The following NOL7 variants were observed in gnomAD, a reference collection of about 807,000 sequenced individuals.
NOL7 encodes U3 small nucleolar RNA-associated protein NOL7.
NOL7 carries 36 observed loss-of-function variants against 38.4 expected under a neutral mutation model. That is an observed-to-expected ratio of 0.94 (90% CI 0.72 to 1.24). The LOEUF (loss-of-function observed/expected upper bound fraction) is 1.24. NOL7 is among the 50% of genes most tolerant of loss of function. NOL7 has a pLI of 0.00. For synonymous variants in NOL7, 142 were observed against 126.5 expected, an observed-to-expected ratio of 1.12 and a Z score of -0.82; for missense variants, 350 against 315.1, an observed-to-expected ratio of 1.11 and a Z score of -0.84.
At chr6:13,625,542 T>C (rs1764578415), downstream of NOL7, 7 of 637,914 alleles carry the variant, frequency 1.1e-5, no homozygotes, top group East Asian at 5.4e-5. Flanking sequence ...TTTAAAAATA[T>C]AGAAAACATT....
At chr6:13,626,737 T>A (rs1205520627) in intron 8 of NOL7, among the ~76,000 whole-genome samples, 1 of 152,150 alleles carries the variant, frequency 6.6e-6, no homozygotes, top group Non-Finnish European at 1.5e-5. Flanking sequence ...ACTTTGAAAA[T>A]ACTGACTACT....
At chr6:13,622,426 C>G, downstream of NOL7, 2 of 1,607,982 alleles carry the variant, frequency 1.2e-6, no homozygotes, top group Non-Finnish European at 1.7e-6. Flanking sequence ...AGCCATCAGT[C>G]CTAGACATTG....
At chr6:13,619,960 G>T (rs1252357199) in intron 5 of NOL7, among the ~76,000 whole-genome samples, 1 of 152,124 alleles carries the variant, frequency 6.6e-6, no homozygotes, top group African/African-American at 2.4e-5. Context: ...TTCGAGACCA[G>T]CCTGGCCAAC....
In NOL7 at chr6:13,620,245, C is replaced by G; in HGVS notation, c.538C>G (p.Gln180Glu). The G allele has an allele frequency of 1.9e-6, 3 of 1,614,018 alleles. No individual in the cohort carries two copies. Among genetic ancestry groups the G allele is most frequent in the African/African-American group, 1.3e-5 (1 of 75,022 alleles). ...CTACTTGGCCGTAAGGCTAAAAGAC[C>G]AAGATCTGAGAGATTCAAGGCAACA... ...KSYLAVRLKD[Q>E]DLRDSRQQAA... Residue 180 changes from glutamine (Q) to glutamate (E), a missense_variant, in exon 6 of 8, where the codon CAA becomes GAA. Gln to Glu is a conservative substitution (Grantham distance 29, BLOSUM62 2). Transcript: ENST00000451315.
chr6:13,632,016 T>A (rs1256707695), intron 8 of NOL7, among the ~76,000 whole-genome samples: 8 of 152,082 alleles, frequency 5.3e-5, no homozygotes, highest in Non-Finnish European at 1.0e-4. Context: ...ACGCCCACAT[T>A]GCTCCTAGTA....
chr6:13,628,169 G>A (rs576423468), intron 8 of NOL7, among the ~76,000 whole-genome samples: 1 of 152,300 alleles, frequency 6.6e-6, no homozygotes, highest in South Asian at 2.1e-4. Context: ...CTGAGGCAGT[G>A]AATAGTAAGA....
chr6:13,615,442 G>C lies in NOL7; in HGVS notation c.84G>C (p.Glu28Asp), dbSNP rs1380491201. The C allele has an allele frequency of 6.5e-7, 1 of 1,549,562 alleles. No individual in the cohort carries two copies. Among genetic ancestry groups the C allele is most frequent in the Non-Finnish European group, 8.7e-7 (1 of 1,146,710 alleles). The part of the protein sequence containing the change: ...MVDEGQLASE[E>D]EEAEHGLLLG... ...ACGAGGGCCAGCTGGCCTCGGAGGA[G>C]GAGGAGGCGGAGCACGGGCTGTTGC... Residue 28 changes from glutamate to aspartate, a missense_variant, in exon 1 of 8, where the codon GAG (glutamate) becomes GAC (aspartate). Glu to Asp is a conservative substitution (Grantham distance 45). Coordinates refer to ENST00000451315, the MANE Select transcript of NOL7 (RefSeq NM_016167.5).
At chr6:13,615,984 C>A (rs749962030) in intron 2 of NOL7, among the ~76,000 whole-genome samples, 36 of 151,420 alleles carry the variant, frequency 2.4e-4, no homozygotes, top group Non-Finnish European at 4.6e-4. Flanking sequence ...TGCCTGGAGC[C>A]GAGATCACAC....
In NOL7 at chr6:13,620,487, T is replaced by TAAGA; in HGVS notation, c.700+3_700+6dup. ...TCCAGTTTTTGAATAATGCTTGGGG[T>TAAGA]AAGATCCAGCTTTATTCTCCTGTCT... On this transcript the variant is annotated splice_region_variant and intron_variant, in intron 7 of 7. Transcript: ENST00000451315. 6.2e-7 allele frequency: 1 copy of TAAGA among 1,612,994 alleles called. No homozygotes were observed. Among genetic ancestry groups the TAAGA allele is most frequent in the African/African-American group, 1.3e-5 (1 of 75,046 alleles).
At chr6:13,628,288 A>G (rs1764679367) in intron 8 of NOL7, among the ~76,000 whole-genome samples, 1 of 152,208 alleles carries the variant, frequency 6.6e-6, no homozygotes, top group African/African-American at 2.4e-5. Flanking sequence ...TCAGATATTG[A>G]GGATACAGTG....
At chr6:13,628,004 T>A (rs895701156) in intron 8 of NOL7, among the ~76,000 whole-genome samples, 2 of 152,228 alleles carry the variant, frequency 1.3e-5, no homozygotes, top group Non-Finnish European at 2.9e-5. Flanking sequence ...CTGCAGTGTT[T>A]AAAAACTCAG....
rs1211648082 is a variant in NOL7 at position 13,621,048 on chromosome 6, A to G, written c.*221A>G. Reference sequence around the variant, plus strand: ...TTTTTAATATATTTAACTGAATTCAAGCCATACCCACATCAGCAACAGCAC... The same window carrying G: ...TTTTTAATATATTTAACTGAATTCAGGCCATACCCACATCAGCAACAGCAC... On this transcript the variant is annotated 3_prime_UTR_variant, in exon 8 of 8. Transcript: ENST00000451315. 5.9e-5 allele frequency: 18 copies of G among 306,166 alleles called. No homozygotes were observed. The East Asian group carries it at 9.3e-4, about 16-fold the overall frequency. The allele number at this position is 306,166 out of a possible 1,614,324, so 19.0% of individuals were successfully genotyped here.
downstream of NOL7, chr6:13,622,331 C>T: frequency 6.8e-7 from 1 of 1,477,968 alleles, no homozygotes; most frequent in Non-Finnish European, 9.0e-7. Context: ...CTATATGCCA[C>T]AATATAAGTG....
downstream of NOL7, chr6:13,622,391 A>T: frequency 1.3e-6 from 2 of 1,598,076 alleles, no homozygotes; most frequent in Non-Finnish European, 1.7e-6. Context: ...ACTGTGGCAA[A>T]TGCGCAGGAT....
At chr6:13,622,451 T>C (rs762720373), downstream of NOL7, 37 of 1,600,408 alleles carry the variant, frequency 2.3e-5, no homozygotes, top group South Asian at 2.7e-4. Flanking sequence ...GCCTGTCCCA[T>C]TGCTAGGGCA....
downstream of NOL7, chr6:13,622,440 G>C: frequency 6.2e-7 from 1 of 1,603,312 alleles, no homozygotes; most frequent in Non-Finnish European, 8.5e-7. Flanking sequence ...GACATTGTGT[G>C]GCCTGTCCCA....
downstream of NOL7, chr6:13,625,852 C>CTGGTGTAGGGAGAGTGGAAGGCAAAACA: frequency 2.2e-6 from 2 of 897,404 alleles, no homozygotes; most frequent in African/African-American, 3.3e-5. Flanking sequence ...TAAAATATGG[C>CTGGTGTAGGGAGAGTGGAAGGCAAAACA]TTCCAGGCAC....
chr6:13,618,098 T>C lies in NOL7; in HGVS notation c.459T>C (p.Asn153=). 1 of 1,589,240 alleles carries C rather than the reference T, an allele frequency of 6.3e-7. No individual in the cohort carries two copies. The highest frequency in any genetic ancestry group is 8.6e-7 in the Non-Finnish European group (1 of 1,159,726). ...AAAATGAAGACTGTGAAAAAGGAAA[T>C]GACTCCAAGAAAGTTAAAGTACAAA... ...QKKNEDCEKG[N]DSKKVKVQKV... is the part of the protein sequence containing the mutation. Residue 153 remains asparagine, a synonymous_variant, in exon 5 of 8, where the codon AAT becomes AAC. Coordinates refer to ENST00000451315, the MANE Select transcript of NOL7 (RefSeq NM_016167.5).
At chr6:13,616,363 C>T in intron 2 of NOL7, 100 bp from the exon 3 acceptor site, 3 of 747,046 alleles carry the variant, frequency 4.0e-6, no homozygotes, top group Non-Finnish European at 4.4e-6. Flanking sequence ...ATTTCTTTGC[C>T]TAGATGTAGG....
Sources: gnomAD v4.1 joint callset for allele counts (sites outside exome capture counted in the v4.1 genomes callset) on GRCh38, gnomAD v4.1.1 for gene constraint, MANE v1.5 for transcripts, NCBI Gene and HGNC (gene_info 2026-07-23, HGNC 2026-07-21) for gene names.